PRSS23: variants seen among roughly 807,000 people sequenced by gnomAD.
PRSS23 encodes serine protease 23.
A neutral mutation model predicts 34.7 loss-of-function variants in PRSS23; 25 were observed. The ratio of observed to expected loss-of-function variants is 0.72; its 90% CI spans 0.53 to 1.01. PRSS23 has a LOEUF of 1.01. Among genes scored for constraint, PRSS23 ranks in the 50% least tolerant of loss-of-function variants. The pLI, the probability that PRSS23 is intolerant of heterozygous loss-of-function variation, is 0.00. For synonymous variants in PRSS23, 176 were observed against 186.6 expected (o/e 0.94, Z 0.46); for missense variants, 445 against 475.6 (o/e 0.94, Z 0.60).
intron 1 of PRSS23, among the ~76,000 whole-genome samples, chr11:86,819,822 T>C (rs1394399286): frequency 6.6e-6 from 1 of 152,240 alleles, no homozygotes; most frequent in Non-Finnish European, 1.5e-5. Context: ...GTTCCTCATG[T>C]TTGTTAAATC....
At chr11:86,929,575 G>A (rs751413632) in intron 2 of PRSS23, among the ~76,000 whole-genome samples, 10 of 152,194 alleles carry the variant, frequency 6.6e-5, no homozygotes, top group Non-Finnish European at 1.2e-4. Flanking sequence ...CCTGGGAGGC[G>A]GAGGTTGCAG....
At chr11:86,800,072 G>A (rs2135591713), upstream of PRSS23, among the ~76,000 whole-genome samples, 1 of 152,292 alleles carries the variant, frequency 6.6e-6, no homozygotes, top group East Asian at 1.9e-4. Flanking sequence ...CATACACCAG[G>A]TGTGGCCCGC....
chr11:86,879,590 G>T (rs1948755622), intron 2 of PRSS23, among the ~76,000 whole-genome samples: 1 of 140,888 alleles, frequency 7.1e-6, no homozygotes, highest in Non-Finnish European at 1.6e-5. Context: ...CGTCAGGGAG[G>T]TGAGGGGCGC....
At chr11:86,928,532 G>T (rs557167273) in intron 2 of PRSS23, among the ~76,000 whole-genome samples, 1 of 147,950 alleles carries the variant, frequency 6.8e-6, no homozygotes, top group Non-Finnish European at 1.5e-5. Flanking sequence ...AACATTAGCC[G>T]AGCGTGGTGG....
chr11:86,951,412 T>C lies in PRSS23; in HGVS notation c.*127T>C, dbSNP rs1157906125. The C allele has an allele frequency of 1.9e-6, 3 of 1,613,310 alleles. No individual in the cohort carries two copies. In the African/African-American group the frequency reaches 4.0e-5, roughly 21 times the overall value. On this transcript the variant is annotated 3_prime_UTR_variant, in exon 3 of 3. Coordinates refer to the PRSS23 transcript ENST00000533902. Reference sequence around the variant, plus strand: ...AAAAATAACAGGCAATCACACACGTTGCAGGAACTGTGTACAGTACTGAGA... The same window carrying C: ...AAAAATAACAGGCAATCACACACGTCGCAGGAACTGTGTACAGTACTGAGA...
intron 2 of PRSS23, among the ~76,000 whole-genome samples, chr11:86,828,984 C>G (rs1451407355): frequency 1.3e-5 from 2 of 152,108 alleles, no homozygotes; most frequent in Non-Finnish European, 2.9e-5. Flanking sequence ...TGGAGTTGCT[C>G]TTCTCGAGGA....
intron 1 of PRSS23, among the ~76,000 whole-genome samples, chr11:86,802,852 A>C (rs1271751429): frequency 1.3e-5 from 2 of 152,212 alleles, no homozygotes. Flanking sequence ...TGTTGTTTGC[A>C]TATCTGTTAA....
intron 2 of PRSS23, among the ~76,000 whole-genome samples, chr11:86,853,190 G>A (rs1433348585): frequency 2.8e-5 from 4 of 144,212 alleles, no homozygotes; most frequent in East Asian, 2.1e-4. Flanking sequence ...TTTCACTGAC[G>A]ATGATGTCTT....
At chr11:86,803,702 C>T in intron 1 of PRSS23, among the ~76,000 whole-genome samples, 1 of 152,070 alleles carries the variant, frequency 6.6e-6, no homozygotes, top group Non-Finnish European at 1.5e-5. Flanking sequence ...ACACACACAG[C>T]CATCCCTCCA....
chr11:86,936,929 TACATTTAGA>T (rs1473176707), intron 2 of PRSS23: 6 of 152,082 alleles, frequency 3.9e-5, no homozygotes, highest in Non-Finnish European at 2.9e-5. Flanking sequence ...CCCTTACTCT[TACATTTAGA>T]ACATTTAGAA....
At chr11:86,929,456 A>G (rs533483875) in intron 2 of PRSS23, among the ~76,000 whole-genome samples, 5 of 152,288 alleles carry the variant, frequency 3.3e-5, no homozygotes, top group African/African-American at 1.2e-4. Context: ...GAGCCTGGCC[A>G]ACATGGCGAA....
chr11:86,820,145 T>A (rs1948242527), intron 1 of PRSS23, among the ~76,000 whole-genome samples: 1 of 152,226 alleles, frequency 6.6e-6, no homozygotes. Context: ...ACAGTATTTC[T>A]TCAATTTTAT....
chr11:86,823,299 G>A (rs117996195), intron 1 of PRSS23: 15,285 of 677,284 alleles, frequency 0.023, 230 homozygotes, highest in Non-Finnish European at 0.028. Flanking sequence ...CTGACGGTCC[G>A]AGATGTAGAA....
At chr11:86,931,796 C>T (rs1396398117) in intron 2 of PRSS23, among the ~76,000 whole-genome samples, 2 of 151,498 alleles carry the variant, frequency 1.3e-5, no homozygotes, top group African/African-American at 2.4e-5. Context: ...CATGAGCCAT[C>T]GTTCTCAGCG....
chr11:86,798,095 A>T (rs148060234), upstream of PRSS23, among the ~76,000 whole-genome samples: 77 of 152,148 alleles, frequency 5.1e-4, no homozygotes, highest in African/African-American at 1.8e-3. Flanking sequence ...TGGTTGATAA[A>T]TCTCTCCCTT....
chr11:86,880,456 A>C (rs111993650), intron 2 of PRSS23, among the ~76,000 whole-genome samples: 1 of 151,400 alleles, frequency 6.6e-6, no homozygotes, highest in African/African-American at 2.4e-5. Context: ...AAAAATAAAA[A>C]AAATAAAAAG....
intron 1 of PRSS23, among the ~76,000 whole-genome samples, chr11:86,805,761 C>G (rs569726125): frequency 6.6e-6 from 1 of 152,304 alleles, no homozygotes; most frequent in Admixed American, 6.5e-5. Flanking sequence ...GCATGCTCAG[C>G]TATACTACAT....
intron 2 of PRSS23, among the ~76,000 whole-genome samples, chr11:86,839,891 A>C (rs1381328924): frequency 1.3e-5 from 2 of 150,940 alleles, no homozygotes; most frequent in African/African-American, 2.4e-5. Context: ...TTTCACAGAC[A>C]AGCAAATGCT....
At chr11:86,831,941 T>G (rs1948359942) in intron 2 of PRSS23, among the ~76,000 whole-genome samples, 1 of 152,004 alleles carries the variant, frequency 6.6e-6, no homozygotes, top group Non-Finnish European at 1.5e-5. Flanking sequence ...TTCCAGTGTG[T>G]GTACACCCTG....
Sources: allele counts gnomAD v4.1 joint callset (sites outside exome capture counted in the v4.1 genomes callset), GRCh38; gene constraint gnomAD v4.1.1; transcripts MANE v1.5; gene names NCBI Gene and HGNC (gene_info 2026-07-23, HGNC 2026-07-21).